SENP5: variants seen among roughly 807,000 people sequenced by gnomAD.
The protein encoded by SENP5 is sentrin-specific protease 5.
A neutral mutation model predicts 74.2 loss-of-function variants in SENP5; 21 were observed. That is an observed-to-expected ratio of 0.28 (90% CI 0.20 to 0.41). The LOEUF (loss-of-function observed/expected upper bound fraction) is 0.41, where lower values mean the gene tolerates loss of function less well. Among genes scored for constraint, SENP5 ranks in the 10% least tolerant of loss-of-function variants. The pLI is 1.00. For synonymous variants in SENP5, 311 were observed against 312.7 expected, an observed-to-expected ratio of 0.99 and a Z score of 0.06; for missense variants, 717 against 889.1, an observed-to-expected ratio of 0.81 and a Z score of 2.46.
At chr3:196,877,577 T>G (rs915510385) in intron 1 of SENP5, among the ~76,000 whole-genome samples, 2 of 151,920 alleles carry the variant, frequency 1.3e-5, no homozygotes, top group Non-Finnish European at 2.9e-5. Flanking sequence ...TGCACAGTAT[T>G]TTTTTTTAAA....
chr3:196,904,295 C>T (rs550311435), intron 6 of SENP5, among the ~76,000 whole-genome samples: 9 of 152,154 alleles, frequency 5.9e-5, no homozygotes, highest in Non-Finnish European at 1.0e-4. Context: ...GAAGAGATCC[C>T]ATTTCACTGA....
intron 1 of SENP5, among the ~76,000 whole-genome samples, chr3:196,872,239 T>C (rs1713247143): frequency 6.6e-6 from 1 of 152,182 alleles, no homozygotes; most frequent in Non-Finnish European, 1.5e-5. Context: ...GGAATGTTGA[T>C]ATTTGGTCAG....
intron 1 of SENP5, among the ~76,000 whole-genome samples, chr3:196,877,481 G>A (rs148446980): frequency 3.9e-5 from 6 of 152,152 alleles, no homozygotes; most frequent in African/African-American, 1.4e-4. Flanking sequence ...CACCGTGCCC[G>A]GCCACTATCT....
At chr3:196,881,608 C>CT (rs955746993) in intron 1 of SENP5, among the ~76,000 whole-genome samples, 5 of 152,024 alleles carry the variant, frequency 3.3e-5, no homozygotes, top group African/African-American at 7.2e-5. Context: ...TTCCATTAGG[C>CT]TTTTTTTCAG....
intron 6 of SENP5, among the ~76,000 whole-genome samples, chr3:196,913,647 C>CTTTTTTTTTT (rs1229412806): frequency 4.1e-5 from 4 of 98,088 alleles, no homozygotes; most frequent in Non-Finnish European, 8.3e-5. Context: ...ATAAGAAAGG[C>CTTTTTTTTTT]TTTTTTTTTT....
intron 2 of SENP5, among the ~76,000 whole-genome samples, chr3:196,895,822 G>A (rs1489591939): frequency 6.6e-6 from 1 of 151,970 alleles, no homozygotes; most frequent in Non-Finnish European, 1.5e-5. Context: ...GTGCCTGGCC[G>A]GGTACTTTAA....
At chr3:196,873,177 A>G (rs1713293460) in intron 1 of SENP5, among the ~76,000 whole-genome samples, 2 of 150,484 alleles carry the variant, frequency 1.3e-5, no homozygotes, top group South Asian at 4.2e-4. Context: ...AGGTTCAAGC[A>G]ATTGTCCTGC....
intron 6 of SENP5, among the ~76,000 whole-genome samples, chr3:196,916,666 T>A (rs1715391085): frequency 6.6e-6 from 1 of 151,802 alleles, no homozygotes; most frequent in African/African-American, 2.4e-5. Flanking sequence ...TAACTGGGAT[T>A]ACAGGCATGT....
At chr3:196,888,091 G>C (rs1242803552) in intron 2 of SENP5, among the ~76,000 whole-genome samples, 1 of 152,036 alleles carries the variant, frequency 6.6e-6, no homozygotes, top group Admixed American at 6.6e-5. Flanking sequence ...ACCTATATTT[G>C]ACTTTGAGGC....
chr3:196,895,271 A>G (rs1013386351), intron 2 of SENP5, among the ~76,000 whole-genome samples: 5 of 149,754 alleles, frequency 3.3e-5, no homozygotes, highest in Non-Finnish European at 7.4e-5. Context: ...AGCTCGCTGC[A>G]AGCTCCGCCT....
At chr3:196,878,735 G>A (rs1334209251) in intron 1 of SENP5, among the ~76,000 whole-genome samples, 1 of 151,964 alleles carries the variant, frequency 6.6e-6, no homozygotes, top group East Asian at 1.9e-4. Flanking sequence ...GAGATTATAG[G>A]TGCCCGCCAC....
chr3:196,927,915 C>T (rs756736391), intron 8 of SENP5, 36 bp downstream of exon 8: 8 of 1,350,084 alleles, frequency 5.9e-6, no homozygotes. Flanking sequence ...CAGGCATGTC[C>T]AGGGGATGGA....
At chr3:196,888,882 C>T (rs577877632) in intron 2 of SENP5, among the ~76,000 whole-genome samples, 74 of 151,998 alleles carry the variant, frequency 4.9e-4, no homozygotes, top group Middle Eastern at 3.4e-3. Flanking sequence ...TTTGGGAGGC[C>T]GAGGCGGGCG....
At chr3:196,911,620 G>T (rs960445371) in intron 6 of SENP5, among the ~76,000 whole-genome samples, 1 of 151,910 alleles carries the variant, frequency 6.6e-6, no homozygotes, top group Non-Finnish European at 1.5e-5. Context: ...CATCAGTTGG[G>T]CGCGGTGGCT....
At chr3:196,876,180 A>G (rs1018256321) in intron 1 of SENP5, among the ~76,000 whole-genome samples, 4 of 152,180 alleles carry the variant, frequency 2.6e-5, no homozygotes, top group Non-Finnish European at 4.4e-5. Flanking sequence ...ACCCTCCTTA[A>G]TATATTTTTT....
chr3:196,880,606 C>T (rs1713679068), intron 1 of SENP5, among the ~76,000 whole-genome samples: 2 of 148,040 alleles, frequency 1.4e-5, no homozygotes, highest in Non-Finnish European at 3.0e-5. Flanking sequence ...AGGACTTTGA[C>T]TGATGTGATT....
intron 2 of SENP5, among the ~76,000 whole-genome samples, chr3:196,888,198 A>G (rs1033177282): frequency 2.6e-5 from 4 of 152,216 alleles, no homozygotes; most frequent in African/African-American, 9.6e-5. Flanking sequence ...AGACAATATG[A>G]TAGTATAAAT....
In SENP5 at chr3:196,910,518, T is replaced by C. The variant is rs192047720; in HGVS notation, c.1884+6908T>C. Among the ~76,000 whole-genome samples the C allele has an allele frequency of 9.2e-5, 14 of 151,738 alleles. No individual in the cohort carries two copies. In the East Asian group the frequency reaches 2.5e-3, roughly 27 times the overall value. ...TGCACCACCATGCCCAGCTAATTTT[T>C]TGTATTTTTAGTAGACACAGGGTTT... On this transcript the variant is annotated intron_variant, in intron 6 of 9. Coordinates refer to ENST00000323460, the MANE Select transcript of SENP5 (RefSeq NM_152699.5).
chr3:196,882,055 C>T (rs1220871256), intron 1 of SENP5, among the ~76,000 whole-genome samples: 1 of 151,722 alleles, frequency 6.6e-6, no homozygotes, highest in East Asian at 1.9e-4. Context: ...TGCCACCACA[C>T]CTGGCTAATT....
Sources: gnomAD v4.1 joint callset for allele counts (sites outside exome capture counted in the v4.1 genomes callset) on GRCh38, gnomAD v4.1.1 for gene constraint, MANE v1.5 for transcripts, NCBI Gene and HGNC (gene_info 2026-07-23, HGNC 2026-07-21) for gene names.